PCDHGB6: variants seen among roughly 807,000 people sequenced by gnomAD.
The protein encoded by PCDHGB6 is protocadherin gamma subfamily B, 6, also known as protocadherin gamma-B6.
A neutral mutation model predicts 59.1 loss-of-function variants in PCDHGB6; 51 were observed. That is an observed-to-expected ratio of 0.86 (90% confidence interval 0.69 to 1.09). The LOEUF (loss-of-function observed/expected upper bound fraction) is 1.09. Among genes scored for constraint, PCDHGB6 ranks in the 50% least tolerant of loss-of-function variants. PCDHGB6 has a pLI of 0.00. For synonymous variants in PCDHGB6, 466 were observed against 495.1 expected (o/e 0.94, Z 0.78); for missense variants, 1,148 against 1,205.1 (o/e 0.95, Z 0.70).
At position 141,487,610 on chromosome 5, in the gene PCDHGB6, C is replaced by A; in HGVS notation, c.2419-7197C>A. On this transcript the variant is annotated intron_variant, in intron 1 of 3. Transcript: ENST00000520790. The surrounding 1 kb of genome is among the most constrained non-coding windows in gnomAD (Gnocchi z 5.0). ...CCCACCCTCTGATCTTCTCTATGGG[C>A]TAGAGGTGAGACCTTTGCAGGCTCA... The A allele has an allele frequency of 6.2e-7, 1 of 1,614,190 alleles. No homozygotes were observed. The highest frequency in any genetic ancestry group is 1.1e-5 in the South Asian group (1 of 91,078).
chr5:141,468,801 A>G (rs949203275), intron 1 of PCDHGB6, among the ~76,000 whole-genome samples: 15 of 151,736 alleles, frequency 9.9e-5, no homozygotes, highest in South Asian at 2.1e-4. Context: ...GGGAGGCGGA[A>G]CTTGCAGTGA....
chr5:141,509,621 C>T (rs1179988828), intron 3 of PCDHGB6, among the ~76,000 whole-genome samples: 1 of 152,178 alleles, frequency 6.6e-6, no homozygotes, highest in African/African-American at 2.4e-5. Flanking sequence ...AAACAAGTTC[C>T]TGGGTGATGC....
chr5:141,507,113 C>G (rs1401559943), intron 3 of PCDHGB6: 1 of 152,220 alleles, frequency 6.6e-6, no homozygotes, highest in Non-Finnish European at 1.5e-5. Context: ...GGGACCATGG[C>G]TGCCTTTGGA....
chr5:141,468,419 G>A (rs1733006381), intron 1 of PCDHGB6: 1 of 151,826 alleles, frequency 6.6e-6, no homozygotes, highest in Admixed American at 6.6e-5. Flanking sequence ...AAGTTAGATA[G>A]CAAGGTAATA....
intron 1 of PCDHGB6, chr5:141,416,166 T>C (rs2096001393): frequency 6.5e-6 from 1 of 152,744 alleles, no homozygotes; most frequent in Admixed American, 6.5e-5. Flanking sequence ...CAGTTGAATA[T>C]ACTAAGTTTT....
chr5:141,414,404 T>A, intron 1 of PCDHGB6: 1 of 1,613,886 alleles, frequency 6.2e-7, no homozygotes, highest in Non-Finnish European at 8.5e-7. Context: ...AGATTGGTGA[T>A]ACACAGAGCC....
chr5:141,418,018 T>C, intron 1 of PCDHGB6: 1 of 1,613,868 alleles, frequency 6.2e-7, no homozygotes, highest in Non-Finnish European at 8.5e-7. Flanking sequence ...TCGCTAAGGA[T>C]CTAGGGCTTA....
At chr5:141,423,203 T>A (rs2096720538) in intron 1 of PCDHGB6, 1 of 1,613,508 alleles carries the variant, frequency 6.2e-7, no homozygotes, top group African/African-American at 1.3e-5. Context: ...TCGGCCACCG[T>A]CACGCTCACC....
rs1042973261 is a variant in PCDHGB6 at position 141,491,547 on chromosome 5, G to T, written c.2419-3260G>T. ...AGGTGACGCTGCGGCCCACAGACTC[G>T]CAGAGCCACTGCTACAGGACGTGCT... On this transcript the variant is annotated intron_variant, in intron 1 of 3. Transcript: ENST00000520790. The surrounding 1 kb of genome is among the most constrained non-coding windows in gnomAD (Gnocchi z 6.9). 6.8e-6 allele frequency: 11 copies of T among 1,613,856 alleles called. No homozygotes were observed. Among genetic ancestry groups the T allele is most frequent in the Middle Eastern group, 1.6e-4 (1 of 6,084 alleles).
chr5:141,463,135 C>G (rs1352400365), intron 1 of PCDHGB6, among the ~76,000 whole-genome samples: 1 of 152,128 alleles, frequency 6.6e-6, no homozygotes, highest in African/African-American at 2.4e-5. Flanking sequence ...GGCAGTTCTT[C>G]GCCCAGCTGC....
Position 141,490,711 on chromosome 5 carries a change from T to C in PCDHGB6, c.2419-4096T>C. ...CACTGGGGATAATGCCCGCCTCACC[T>C]ACTCCATTGTAGGAAATCAGGTTCA... On this transcript the variant is annotated intron_variant, in intron 1 of 3. Transcript: ENST00000520790. The surrounding 1 kb of genome is among the most constrained non-coding windows in gnomAD (Gnocchi z 5.4). The C allele has an allele frequency of 6.2e-7, 1 of 1,614,200 alleles. No individual in the cohort carries two copies. Among genetic ancestry groups the C allele is most frequent in the Non-Finnish European group, 8.5e-7 (1 of 1,180,002 alleles).
At chr5:141,413,820 C>T in intron 1 of PCDHGB6, 1 of 1,613,204 alleles carries the variant, frequency 6.2e-7, no homozygotes, top group Non-Finnish European at 8.5e-7. Flanking sequence ...ACCACCTGGT[C>T]CTCACCGCCT....
rs771867567 is a variant in PCDHGB6 at position 141,419,867 on chromosome 5, G to A, written c.2418+9247G>A. 3.1e-6 allele frequency: 5 copies of A among 1,614,086 alleles called. No homozygotes were observed. In the South Asian group the frequency reaches 5.5e-5, roughly 18 times the overall value. On this transcript the variant is annotated intron_variant, in intron 1 of 3. Transcript: ENST00000520790. Reference sequence around the variant, plus strand: ...CCTGGTGTTCGCAGATAGCTTGCAAGAGGTACTGCCGGATTTCAGCGACCA... The same window carrying A: ...CCTGGTGTTCGCAGATAGCTTGCAAAAGGTACTGCCGGATTTCAGCGACCA...
chr5:141,471,003 C>A (rs2099246040), intron 1 of PCDHGB6, among the ~76,000 whole-genome samples: 1 of 151,658 alleles, frequency 6.6e-6, no homozygotes, highest in East Asian at 1.9e-4. Flanking sequence ...AGGCATGAGC[C>A]ACTGTGCCTG....
chr5:141,431,511 T>G lies in PCDHGB6; in HGVS notation c.2418+20891T>G, dbSNP rs1234369765. 6.2e-7 allele frequency: 1 copy of G among 1,614,018 alleles called. No individual in the cohort carries two copies. On this transcript the variant is annotated intron_variant, in intron 1 of 3. Transcript: ENST00000520790. The surrounding 1 kb of genome is among the most constrained non-coding windows in gnomAD (Gnocchi z 4.8). ...GCTCAGCCCGAGTACCGCGCGAGCGTTCCGGAGAATCTGGCCTTGGGCACG... is the reference window on the plus strand; with the variant it reads ...GCTCAGCCCGAGTACCGCGCGAGCGGTCCGGAGAATCTGGCCTTGGGCACG...
chr5:141,419,943 C>G (rs2096450865), intron 1 of PCDHGB6: 4 of 1,614,070 alleles, frequency 2.5e-6, no homozygotes, highest in Non-Finnish European at 3.4e-6. Flanking sequence ...CTGGTGGTGG[C>G]CTTGGCCTTG....
At chr5:141,456,731 G>A (rs1282690673) in intron 1 of PCDHGB6, among the ~76,000 whole-genome samples, 1 of 152,214 alleles carries the variant, frequency 6.6e-6, no homozygotes, top group Non-Finnish European at 1.5e-5. Flanking sequence ...TTGGGAGGCT[G>A]AGGCGGGAGC....
At chr5:141,452,065 T>A (rs185791618) in intron 1 of PCDHGB6, among the ~76,000 whole-genome samples, 1 of 152,332 alleles carries the variant, frequency 6.6e-6, no homozygotes, top group Non-Finnish European at 1.5e-5. Flanking sequence ...TTATTCTACT[T>A]TTATTAGTTG....
At chr5:141,412,060 C>G (rs1191231135) in intron 1 of PCDHGB6, 2 of 152,154 alleles carry the variant, frequency 1.3e-5, no homozygotes, top group African/African-American at 2.4e-5. Context: ...ATACCCTTTG[C>G]ATTTGAGGGA....
Sources: allele counts gnomAD v4.1 joint callset (sites outside exome capture counted in the v4.1 genomes callset), GRCh38; gene constraint gnomAD v4.1.1; non-coding constraint Gnocchi (gnomAD v3.1); transcripts MANE v1.5; gene names NCBI Gene and HGNC (gene_info 2026-07-23, HGNC 2026-07-21).